Variants in SAMHD1 observed in about 807,000 individuals in gnomAD.
The protein encoded by SAMHD1 is SAM and HD domain containing deoxynucleoside triphosphate triphosphohydrolase 1.
A neutral mutation model predicts 79.6 loss-of-function variants in SAMHD1; 54 were observed. The ratio of observed to expected loss-of-function variants is 0.68; its 90% confidence interval spans 0.55 to 0.85. SAMHD1 has a LOEUF of 0.85. Among genes scored for constraint, SAMHD1 ranks in the 40% least tolerant of loss-of-function variants. SAMHD1 has a pLI of 0.00. For missense variants in SAMHD1, 663 were observed against 782.7 expected, an observed-to-expected ratio of 0.85 and a Z score of 1.82; for synonymous variants, 260 against 264.1, an observed-to-expected ratio of 0.98 and a Z score of 0.15.
At chr20:36,913,535 G>A (rs1256256199) in intron 9 of SAMHD1, among the ~76,000 whole-genome samples, 9 of 150,708 alleles carry the variant, frequency 6.0e-5, no homozygotes, top group Non-Finnish European at 1.2e-4. Context: ...CCCAGGAGGC[G>A]GAGGTTGCAG....
intron 15 of SAMHD1, among the ~76,000 whole-genome samples, chr20:36,897,181 C>T (rs928053030): frequency 1.3e-5 from 2 of 152,234 alleles, no homozygotes; most frequent in African/African-American, 4.8e-5. Flanking sequence ...GCACCTGACA[C>T]ACAGGGAGGT....
rs1674816471 is a variant in SAMHD1, at chr20:36,897,948, A to C, written c.1620T>G (p.Leu540=). The C allele has an allele frequency of 6.2e-7, 1 of 1,614,106 alleles. No individual in the cohort carries two copies. Residue 540 remains leucine (L), a synonymous_variant, in exon 15 of 16, where the codon CTT becomes CTG. Transcript: ENST00000646673. ...GCTGCTCTGCAAATTTCTCTGGCAGAAGTTGTGAAACCTTTTTAAAATGAA... is the reference window on the plus strand; with the variant it reads ...GCTGCTCTGCAAATTTCTCTGGCAGCAGTTGTGAAACCTTTTTAAAATGAA... ...IRITKNQVSQ[L]LPEKFAEQLI...
chr20:36,905,399 C>T lies in SAMHD1; in HGVS notation c.1375G>A (p.Glu459Lys). ...EYRNLFKYVGETQPTGQIKIK... is the reference protein window; with the variant it reads ...EYRNLFKYVGKTQPTGQIKIK... Reference sequence around the variant, plus strand: ...TTTATTTGTCCTGTTGGCTGCGTCTCACCCACATACTTGAATAGATTACGG... The same window carrying T: ...TTTATTTGTCCTGTTGGCTGCGTCTTACCCACATACTTGAATAGATTACGG... Residue 459 changes from glutamate to lysine, a missense_variant, in exon 12 of 16, where the codon GAG becomes AAG. By Grantham distance (56) the Glu-to-Lys change is moderately conservative. Transcript: ENST00000646673. 3 of 1,614,072 alleles carry T rather than the reference C, an allele frequency of 1.9e-6. No homozygotes were observed. The highest frequency in any genetic ancestry group is 2.5e-6 in the Non-Finnish European group (3 of 1,179,976).
intron 9 of SAMHD1, among the ~76,000 whole-genome samples, chr20:36,914,417 C>T (rs1334554170): frequency 6.6e-6 from 1 of 151,790 alleles, no homozygotes; most frequent in Non-Finnish European, 1.5e-5. Flanking sequence ...GTGGCGCAAT[C>T]TCGGCTTACC....
In SAMHD1 at chr20:36,892,213, C is replaced by T. The variant is rs935322376; in HGVS notation, c.*719G>A. 7.2e-5 allele frequency: 11 copies of T among 153,238 alleles called. No individual in the cohort carries two copies. The highest frequency in any genetic ancestry group is 2.4e-4 in the African/African-American group (10 of 41,466). 9.5% of individuals were successfully genotyped at this position (153,238 alleles called of 1,614,324 possible). On this transcript the variant is annotated 3_prime_UTR_variant, in exon 16 of 16. Coordinates refer to ENST00000646673, the MANE Select transcript of SAMHD1 (RefSeq NM_015474.4). ...TTCCCCAAAACCTAATCAGGCCTCT[C>T]ACCAGCGTGTTGGAGGCCACTCCTG...
chr20:36,946,870 T>C, intron 1 of SAMHD1, 66 bp from the exon 2 acceptor site: 5 of 1,275,912 alleles, frequency 3.9e-6, no homozygotes, highest in Non-Finnish European at 5.6e-6. Context: ...TCAATTTGGA[T>C]ACACCAACAT....
intron 11 of SAMHD1, among the ~76,000 whole-genome samples, chr20:36,909,751 C>CTGCAGATTT (rs1388547066): frequency 2.7e-5 from 4 of 150,544 alleles, no homozygotes; most frequent in African/African-American, 9.8e-5. Flanking sequence ...CCACACTAAG[C>CTGCAGATTT]TGCAGATTTT....
chr20:36,894,194 G>C (rs987040004), intron 15 of SAMHD1: 7 of 377,296 alleles, frequency 1.9e-5, no homozygotes, highest in Non-Finnish European at 3.3e-5. Flanking sequence ...GAACTACACT[G>C]GATCTGACTT....
rs1464076160 is a variant in SAMHD1 at position 36,934,292 on chromosome 20, G to A, written c.509+737C>T. On this transcript the variant is annotated intron_variant, in intron 4 of 15. Coordinates refer to ENST00000646673, the MANE Select transcript of SAMHD1 (RefSeq NM_015474.4). ...TGTAATCCCAGTACTTTGGGAGGCC[G>A]AGGCAGGTGGCTCACAAGGTCAGGA... 4.0e-5 allele frequency among the ~76,000 whole-genome samples: 6 copies of A among 151,552 alleles called. No homozygotes were observed. In the East Asian group the frequency reaches 5.8e-4, roughly 15 times the overall value.
intron 11 of SAMHD1, among the ~76,000 whole-genome samples, chr20:36,905,973 C>CAA (rs1211773248): frequency 3.1e-5 from 4 of 129,044 alleles, no homozygotes; most frequent in Non-Finnish European, 3.4e-5. Context: ...GAGACTGTCT[C>CAA]AAAAAAAAAA....
At chr20:36,893,911 G>A (rs1990142667) in intron 15 of SAMHD1, 1 of 398,582 alleles carries the variant, frequency 2.5e-6, no homozygotes, top group East Asian at 3.6e-5. Context: ...TTTGGTCAGT[G>A]GGAGGCTCTG....
Position 36,898,543 on chromosome 20 carries a change from A to G in SAMHD1, c.1505T>C (p.Val502Ala). The change falls in exon 14 of 16, where the codon GTT becomes GCT. Residue 502 changes from valine (V) to alanine (A), a missense_variant and splice_region_variant. Transcript: ENST00000646673. ...TTGCATTCCATAATCCATGTTGATAACCTAAATAAAAGCAATTCACAAGTA... is the reference window on the plus strand; with the variant it reads ...TTGCATTCCATAATCCATGTTGATAGCCTAAATAAAAGCAATTCACAAGTA... Reference protein sequence around the residue: ...KLKAEDFIVDVINMDYGMQEK... With the variant: ...KLKAEDFIVDAINMDYGMQEK... 2 of 1,610,632 alleles carry G rather than the reference A, an allele frequency of 1.2e-6. No homozygotes were observed. Among genetic ancestry groups the G allele is most frequent in the Non-Finnish European group, 1.7e-6 (2 of 1,176,984 alleles).
intron 10 of SAMHD1, 197 bp from the exon 11 acceptor site, chr20:36,911,530 T>C (rs899745928): frequency 1.2e-5 from 7 of 565,698 alleles, no homozygotes; most frequent in African/African-American, 3.8e-5. Flanking sequence ...CCAGGCACTG[T>C]CGCAGGGCTT....
At position 36,912,889 on chromosome 20, in the gene SAMHD1, G is replaced by GTTTTTTTT. The variant is rs71186089; in HGVS notation, c.1063-345_1063-338dup. On this transcript the variant is annotated intron_variant, in intron 9 of 15. Coordinates refer to ENST00000646673, the MANE Select transcript of SAMHD1 (RefSeq NM_015474.4). ...TGTACCCAGCTAACTTTCATTCTTT[G>GTTTTTTTT]TTTTTTTTTTTTTTTTTTTTTTTTT... Among the ~76,000 whole-genome samples, 248 of 41,094 alleles carry GTTTTTTTT rather than the reference G, an allele frequency of 6.0e-3. 56 individuals carry two copies. The highest frequency in any genetic ancestry group is 0.012 in the African/African-American group (110 of 9,544). The allele number at this position is 41,094 out of a possible 152,430, so 27.0% of individuals were successfully genotyped here. A position where few individuals can be genotyped will look rare whatever the true frequency, so the allele number is the denominator to read the frequency against.
Position 36,893,081 on chromosome 20 carries a change from G to A in SAMHD1, c.1747-15C>T, listed in dbSNP as rs1298492067. 1 of 1,611,640 alleles carries A rather than the reference G, an allele frequency of 6.2e-7. No individual in the cohort carries two copies. The highest frequency in any genetic ancestry group is 8.5e-7 in the Non-Finnish European group (1 of 1,179,978). On this transcript the variant is annotated splice_polypyrimidine_tract_variant and intron_variant, in intron 15 of 15. Coordinates refer to ENST00000646673, the MANE Select transcript of SAMHD1 (RefSeq NM_015474.4). ...ACATCGCCATCCTATTAGGAAGAGAGAGAAAAACAGGCAATAGAGAAAAGC... is the reference window on the plus strand; with the variant it reads ...ACATCGCCATCCTATTAGGAAGAGAAAGAAAAACAGGCAATAGAGAAAAGC...
At chr20:36,898,910 C>CAAAAAAAA (rs57902699) in intron 13 of SAMHD1, among the ~76,000 whole-genome samples, 39 of 69,114 alleles carry the variant, frequency 5.6e-4, no homozygotes, top group Non-Finnish European at 7.6e-4. Flanking sequence ...GACTCTGACT[C>CAAAAAAAA]AAAAAAAAAA....
At chr20:36,930,085 C>CAAAAAAAAAAAAAA (rs11468025) in intron 5 of SAMHD1, among the ~76,000 whole-genome samples, 2 of 131,452 alleles carry the variant, frequency 1.5e-5, no homozygotes, top group Non-Finnish European at 1.6e-5. Flanking sequence ...AAAAAAAGAC[C>CAAAAAAAAAAAAAA]AAAAAAAAAA....
At chr20:36,893,148 G>A (rs542086135) in intron 15 of SAMHD1, 82 bp from the exon 16 acceptor site, 180 of 1,527,454 alleles carry the variant, frequency 1.2e-4, no homozygotes, top group Non-Finnish European at 1.5e-4. Context: ...TCTCAAGTGC[G>A]CACATCCTCA....
chr20:36,933,479 C>T (rs989360348), intron 4 of SAMHD1, among the ~76,000 whole-genome samples: 3 of 151,828 alleles, frequency 2.0e-5, no homozygotes, highest in South Asian at 2.1e-4. Flanking sequence ...TATCAGCAAC[C>T]GACCCATTAG....
Sources: allele counts gnomAD v4.1 joint callset (sites outside exome capture counted in the v4.1 genomes callset), GRCh38; gene constraint gnomAD v4.1.1; transcripts MANE v1.5; gene names NCBI Gene and HGNC (gene_info 2026-07-23, HGNC 2026-07-21).